RIMS1: variants seen among roughly 807,000 people sequenced by gnomAD.
The protein encoded by RIMS1 is regulating synaptic membrane exocytosis 1.
RIMS1 carries 83 observed loss-of-function variants against 214.1 expected under a neutral mutation model. That is an observed-to-expected ratio of 0.39 (90% CI 0.32 to 0.47). RIMS1 has a LOEUF of 0.47. RIMS1 is among the 20% of genes least tolerant of loss of function. The pLI is 0.99. For missense variants in RIMS1, 2,050 were observed against 2,161.8 expected (o/e 0.95, Z 1.03); for synonymous variants, 793 against 786.8 (o/e 1.01, Z -0.13).
intron 1 of RIMS1, among the ~76,000 whole-genome samples, chr6:71,927,470 T>A (rs1422180892): frequency 6.6e-6 from 1 of 152,234 alleles, no homozygotes; most frequent in Admixed American, 6.5e-5. Flanking sequence ...AAAAGGCTAG[T>A]CTTGGGTGAA....
intron 4 of RIMS1, among the ~76,000 whole-genome samples, chr6:72,158,294 AC>A (rs2153924973): frequency 7.1e-6 from 1 of 141,110 alleles, no homozygotes; most frequent in Admixed American, 7.3e-5. Flanking sequence ...TTCCTACATC[AC>A]CAAAGTATAA....
intron 23 of RIMS1, among the ~76,000 whole-genome samples, chr6:72,278,417 C>G (rs1403836600): frequency 6.6e-6 from 1 of 152,028 alleles, no homozygotes; most frequent in Non-Finnish European, 1.5e-5. Context: ...AGCTACTTGT[C>G]TATAAGAATC....
intron 6 of RIMS1, among the ~76,000 whole-genome samples, chr6:72,201,239 T>C (rs1044934067): frequency 1.3e-5 from 2 of 152,182 alleles, no homozygotes; most frequent in Non-Finnish European, 2.9e-5. Flanking sequence ...TCAAAAATAA[T>C]CATACAAATT....
intron 7 of RIMS1, among the ~76,000 whole-genome samples, chr6:72,234,182 T>C (rs1272141913): frequency 6.6e-6 from 1 of 151,974 alleles, no homozygotes. Context: ...TTTAAAAATG[T>C]ATACTTATTT....
chr6:71,905,511 A>C (rs1204870780), intron 1 of RIMS1, among the ~76,000 whole-genome samples: 3 of 152,184 alleles, frequency 2.0e-5, no homozygotes, highest in African/African-American at 4.8e-5. Flanking sequence ...GTAGGAGAGC[A>C]CATGGAATAT....
chr6:72,079,778 G>C (rs547753460), intron 2 of RIMS1, among the ~76,000 whole-genome samples: 55 of 151,924 alleles, frequency 3.6e-4, no homozygotes, highest in Non-Finnish European at 6.0e-4. Flanking sequence ...CCAGCTACTT[G>C]GGAGGCTGAC....
At chr6:72,019,330 C>T (rs926495825) in intron 2 of RIMS1, among the ~76,000 whole-genome samples, 3 of 152,094 alleles carry the variant, frequency 2.0e-5, no homozygotes, top group African/African-American at 7.2e-5. Context: ...CAACACAAAC[C>T]TTGGTCAGCA....
At chr6:72,251,701 T>C (rs988186807) in intron 15 of RIMS1, among the ~76,000 whole-genome samples, 5 of 152,048 alleles carry the variant, frequency 3.3e-5, no homozygotes, top group Non-Finnish European at 5.9e-5. Context: ...AATAACTTTA[T>C]AGTTCAAAGA....
chr6:72,400,342 T>A (rs10943011), intron 33 of RIMS1, among the ~76,000 whole-genome samples, 154 bp from the exon 34 acceptor site: 28,133 of 152,124 alleles, frequency 0.18, 2,853 homozygotes, highest in Non-Finnish European at 0.23. Flanking sequence ...TAGTGTATCT[T>A]CTTATCTGTG....
intron 10 of RIMS1, among the ~76,000 whole-genome samples, chr6:72,243,861 C>G (rs2068114396): frequency 6.6e-6 from 1 of 151,072 alleles, no homozygotes. Context: ...TTATAGAATT[C>G]AAAGGACATG....
chr6:72,216,311 A>T, intron 6 of RIMS1: 1 of 269,810 alleles, frequency 3.7e-6, no homozygotes, highest in Non-Finnish European at 5.7e-6. Context: ...AGTCCTCAAA[A>T]ATATGCATCT....
intron 4 of RIMS1, among the ~76,000 whole-genome samples, chr6:72,100,613 C>T (rs2033303911): frequency 1.5e-5 from 1 of 68,100 alleles, no homozygotes; most frequent in Non-Finnish European, 4.1e-5. Flanking sequence ...TTCAGTCAGC[C>T]TTTCCTTTGT....
chr6:71,895,118 C>G (rs369591819), intron 1 of RIMS1, among the ~76,000 whole-genome samples: 31 of 152,276 alleles, frequency 2.0e-4, no homozygotes, highest in African/African-American at 7.5e-4. Flanking sequence ...GCATAATATA[C>G]ACACTCACAA....
intron 2 of RIMS1, among the ~76,000 whole-genome samples, chr6:72,012,064 A>C (rs993610998): frequency 6.6e-6 from 1 of 152,244 alleles, no homozygotes; most frequent in Admixed American, 6.5e-5. Flanking sequence ...ACAATAGCAA[A>C]GACTTGGATC....
At chr6:72,206,519 TTCTCA>T (rs1249687724) in intron 6 of RIMS1, among the ~76,000 whole-genome samples, 1 of 151,948 alleles carries the variant, frequency 6.6e-6, no homozygotes, top group African/African-American at 2.4e-5. Flanking sequence ...TCTTGGTTAC[TTCTCA>T]TTTTCCCTTT....
chr6:71,984,862 A>G (rs545176123), intron 2 of RIMS1, among the ~76,000 whole-genome samples: 123 of 152,020 alleles, frequency 8.1e-4, no homozygotes, highest in Non-Finnish European at 1.6e-3. Context: ...CCATCTATCT[A>G]TAAGCTGATG....
At position 72,402,356 on chromosome 6, in the gene RIMS1, G is replaced by C. The variant is rs917805922; in HGVS notation, c.*1642G>C. The C allele has an allele frequency of 6.6e-6, 1 of 152,596 alleles. No homozygotes were observed. The highest frequency in any genetic ancestry group is 1.5e-5 in the Non-Finnish European group (1 of 68,026). The allele number at this position is 152,596 out of a possible 1,614,324, so 9.5% of individuals were successfully genotyped here. A position where few individuals can be genotyped will look rare whatever the true frequency, so the allele number is the denominator to read the frequency against. On this transcript the variant is annotated 3_prime_UTR_variant, in exon 34 of 34. Coordinates refer to ENST00000521978, the MANE Select transcript of RIMS1 (RefSeq NM_014989.7). ...TTAGCCAGACTCAGTCTCTGGGTCT[G>C]TGGTGAAATGTCTATAGATGGACTT... is the stretch of plus-strand genomic sequence containing the variant.
chr6:72,104,267 T>G (rs1400870268), intron 4 of RIMS1, among the ~76,000 whole-genome samples: 1 of 152,148 alleles, frequency 6.6e-6, no homozygotes, highest in Non-Finnish European at 1.5e-5. Context: ...CAGCCATAGG[T>G]CCAAGATTAA....
intron 2 of RIMS1, among the ~76,000 whole-genome samples, chr6:72,055,826 A>C (rs553696080): frequency 6.6e-6 from 1 of 152,232 alleles, no homozygotes; most frequent in Admixed American, 6.5e-5. Context: ...AATGTAAATT[A>C]GTTTATCCAT....
Sources: allele counts gnomAD v4.1 joint callset (sites outside exome capture counted in the v4.1 genomes callset), GRCh38; gene constraint gnomAD v4.1.1; transcripts MANE v1.5; gene names NCBI Gene and HGNC (gene_info 2026-07-23, HGNC 2026-07-21).